RSU1: variants seen among roughly 807,000 people sequenced by gnomAD.
The protein encoded by RSU1 is Ras suppressor protein 1.
Under a neutral mutation model 31.1 loss-of-function variants are expected in RSU1, and 26 were observed. The ratio of observed to expected loss-of-function variants is 0.84; its 90% CI spans 0.61 to 1.16. The LOEUF (loss-of-function observed/expected upper bound fraction) is 1.16, where lower values mean the gene tolerates loss of function less well. Ranked by LOEUF, RSU1 falls within the 50% of genes most tolerant of loss-of-function variation. RSU1 has a pLI of 0.00. For synonymous variants in RSU1, 164 were observed against 136.3 expected (o/e 1.20, Z -1.41); for missense variants, 320 against 339.1 (o/e 0.94, Z 0.44).
At chr10:16,723,297 A>G (rs1836320982) in intron 7 of RSU1, 2 of 152,210 alleles carry the variant, frequency 1.3e-5, no homozygotes, top group South Asian at 4.1e-4. Context: ...CAGATAAAAA[A>G]TTTTCTCAAA....
chr10:16,740,885 C>A (rs1320016882), intron 7 of RSU1, among the ~76,000 whole-genome samples: 2 of 152,078 alleles, frequency 1.3e-5, no homozygotes, highest in Non-Finnish European at 2.9e-5. Flanking sequence ...TTATGATAAT[C>A]CCTGAAATAA....
intron 8 of RSU1, among the ~76,000 whole-genome samples, chr10:16,611,028 C>T (rs1285838064): frequency 1.3e-5 from 2 of 152,232 alleles, no homozygotes; most frequent in East Asian, 3.9e-4. Context: ...TTCAGTCCTT[C>T]TCTTCCCCCA....
In RSU1 at chr10:16,667,053, C is replaced by CAAA. The variant is rs753949373; in HGVS notation, c.731+27967_731+27969dup. 8.9e-3 allele frequency among the ~76,000 whole-genome samples: 1,344 copies of CAAA among 151,720 alleles called. 4 individuals are homozygous for CAAA. Among genetic ancestry groups the CAAA allele is most frequent in the Non-Finnish European group, 0.014 (955 of 67,848 alleles). The stretch of plus-strand genomic sequence containing the variant: ...CAAACAACAACAACAACAACAACAA[C>CAAA]AAAAAACAAAGAAAAAAACAAGTTA... On this transcript the variant is annotated intron_variant, in intron 8 of 8. Transcript: ENST00000345264.
intron 8 of RSU1, among the ~76,000 whole-genome samples, chr10:16,654,491 G>A (rs548877947): frequency 1.3e-5 from 2 of 150,680 alleles, no homozygotes; most frequent in Non-Finnish European, 1.5e-5. Context: ...GCAACATGGT[G>A]AAACCCTGTC....
chr10:16,785,435 T>TATAC (rs1564357261), intron 2 of RSU1, among the ~76,000 whole-genome samples: 6 of 140,546 alleles, frequency 4.3e-5, no homozygotes, highest in African/African-American at 1.7e-4. Context: ...TACATATATA[T>TATAC]ATATACACAT....
intron 3 of RSU1, among the ~76,000 whole-genome samples, chr10:16,770,327 T>A (rs1837398546): frequency 6.6e-6 from 1 of 152,020 alleles, no homozygotes; most frequent in African/African-American, 2.4e-5. Flanking sequence ...TTTAGAGCCA[T>A]ATGGTTACCA....
intron 8 of RSU1, among the ~76,000 whole-genome samples, chr10:16,638,368 G>T (rs754711381): frequency 1.3e-5 from 2 of 152,116 alleles, no homozygotes; most frequent in Non-Finnish European, 2.9e-5. Context: ...CCCGCCAAAA[G>T]ATTCTGCAAT....
At chr10:16,801,727 G>A (rs1389461602) in intron 2 of RSU1, among the ~76,000 whole-genome samples, 1 of 71,462 alleles carries the variant, frequency 1.4e-5, no homozygotes. Flanking sequence ...GAAATCAAAC[G>A]AAAGATAGCT....
chr10:16,665,464 G>T (rs1484265631), intron 8 of RSU1, among the ~76,000 whole-genome samples: 1 of 152,146 alleles, frequency 6.6e-6, no homozygotes, highest in South Asian at 2.1e-4. Flanking sequence ...CCACAGCAAT[G>T]CATTAAATTC....
chr10:16,679,721 T>TA (rs1835293063), intron 8 of RSU1, among the ~76,000 whole-genome samples: 1 of 152,104 alleles, frequency 6.6e-6, no homozygotes, highest in African/African-American at 2.4e-5. Context: ...CCAGCAGCTC[T>TA]GTCTGAAGGC....
intron 8 of RSU1, among the ~76,000 whole-genome samples, chr10:16,690,603 T>C (rs1455739935): frequency 1.3e-5 from 2 of 152,232 alleles, no homozygotes; most frequent in Non-Finnish European, 2.9e-5. Context: ...ACTGAATTCA[T>C]TGTTTTCTTT....
chr10:16,777,584 G>A (rs763725137), intron 3 of RSU1, among the ~76,000 whole-genome samples: 11 of 152,130 alleles, frequency 7.2e-5, no homozygotes, highest in South Asian at 6.2e-4. Context: ...TAATCTTTAG[G>A]TACAAAACCT....
At chr10:16,683,220 T>C (rs1438847957) in intron 8 of RSU1, among the ~76,000 whole-genome samples, 2 of 139,800 alleles carry the variant, frequency 1.4e-5, no homozygotes, top group Non-Finnish European at 3.2e-5. Context: ...TGGAGAGCCA[T>C]TTAAACACAC....
chr10:16,817,180 G>A (rs1010595319), intron 1 of RSU1, 96 bp from the exon 2 acceptor site: 2 of 897,826 alleles, frequency 2.2e-6, no homozygotes, highest in Non-Finnish European at 3.7e-6. Context: ...CTTCCCCAGG[G>A]TTGGAGCGGG....
At chr10:16,715,493 C>T (rs935284339) in intron 7 of RSU1, among the ~76,000 whole-genome samples, 2 of 152,066 alleles carry the variant, frequency 1.3e-5, no homozygotes, top group African/African-American at 4.8e-5. Flanking sequence ...TGTTATTAGG[C>T]AAGGGTCCAA....
At chr10:16,675,137 C>A (rs546696964) in intron 8 of RSU1, among the ~76,000 whole-genome samples, 1 of 139,684 alleles carries the variant, frequency 7.2e-6, no homozygotes, top group Non-Finnish European at 1.5e-5. Flanking sequence ...ATCCAGGAGG[C>A]GGAGGTTGCG....
At chr10:16,733,758 G>A (rs1836569512) in intron 7 of RSU1, among the ~76,000 whole-genome samples, 1 of 152,162 alleles carries the variant, frequency 6.6e-6, no homozygotes, top group East Asian at 1.9e-4. Flanking sequence ...TCTATTAAAA[G>A]CTTGAATGAG....
At chr10:16,743,807 T>C (rs1320436977) in intron 7 of RSU1, among the ~76,000 whole-genome samples, 8 of 152,220 alleles carry the variant, frequency 5.3e-5, no homozygotes, top group Non-Finnish European at 1.2e-4. Flanking sequence ...ACATAGTTAA[T>C]AATCGCACTA....
intron 8 of RSU1, among the ~76,000 whole-genome samples, chr10:16,594,186 C>A (rs1833564931): frequency 6.6e-6 from 1 of 152,166 alleles, no homozygotes; most frequent in African/African-American, 2.4e-5. Flanking sequence ...AAACTTAACT[C>A]CTTTTATTGA....
Sources: allele counts gnomAD v4.1 joint callset (sites outside exome capture counted in the v4.1 genomes callset), GRCh38; gene constraint gnomAD v4.1.1; transcripts MANE v1.5; gene names NCBI Gene and HGNC (gene_info 2026-07-23, HGNC 2026-07-21).